Variants in RGSL1 observed in about 807,000 individuals in gnomAD.
The protein encoded by RGSL1 is regulator of G protein signaling like 1.
A neutral mutation model predicts 124.7 loss-of-function variants in RGSL1; 97 were observed. The observed-to-expected ratio is 0.78, with a 90% CI of 0.66 to 0.92. The LOEUF is 0.92. Ranked by LOEUF, RGSL1 falls within the 40% of genes least tolerant of loss-of-function variation. The probability of loss-of-function intolerance (pLI) is 0.00; values close to 1 mark genes in which losing one functional copy is unlikely to be tolerated. For synonymous variants in RGSL1, 424 were observed against 438.1 expected, an observed-to-expected ratio of 0.97 and a Z score of 0.40; for missense variants, 1,233 against 1,288.4, an observed-to-expected ratio of 0.96 and a Z score of 0.66.
At chr1:182,452,682 G>A (rs1651946748) in intron 1 of RGSL1, among the ~76,000 whole-genome samples, 1 of 152,066 alleles carries the variant, frequency 6.6e-6, no homozygotes, top group African/African-American at 2.4e-5. Context: ...TGAGCTCCTG[G>A]CCTCAAGCAA....
At chr1:182,509,450 C>T (rs1571606776) in intron 9 of RGSL1, among the ~76,000 whole-genome samples, 1 of 41,514 alleles carries the variant, frequency 2.4e-5, no homozygotes, top group Non-Finnish European at 5.6e-5. Context: ...GGCTGACCCC[C>T]CCACCTCCCT....
chr1:182,489,323 G>A (rs1238920446), intron 8 of RGSL1, 121 bp downstream of exon 8: 5 of 901,902 alleles, frequency 5.5e-6, no homozygotes, highest in Non-Finnish European at 6.6e-6. Context: ...TACCTAATTT[G>A]GTCATCAAAA....
At chr1:182,462,808 AT>A in intron 4 of RGSL1, among the ~76,000 whole-genome samples, 1 of 152,212 alleles carries the variant, frequency 6.6e-6, no homozygotes, top group East Asian at 1.9e-4. Context: ...ACAATGTTAA[AT>A]GTAATCTTCA....
chr1:182,514,582 T>G (rs1340516071), intron 9 of RGSL1, among the ~76,000 whole-genome samples: 4 of 152,172 alleles, frequency 2.6e-5, no homozygotes, highest in African/African-American at 9.6e-5. Context: ...GGAAACCTGC[T>G]AAGATACCCC....
intron 2 of RGSL1, among the ~76,000 whole-genome samples, chr1:182,458,056 C>A (rs191026812): frequency 1.3e-5 from 2 of 152,194 alleles, no homozygotes; most frequent in Non-Finnish European, 2.9e-5. Flanking sequence ...GCTCTCAGGT[C>A]GGCTCAGGCT....
chr1:182,499,102 C>A (rs1656162071), intron 9 of RGSL1, among the ~76,000 whole-genome samples: 1 of 152,062 alleles, frequency 6.6e-6, no homozygotes, highest in Non-Finnish European at 1.5e-5. Flanking sequence ...TCTTATGTGG[C>A]CAATTTTAGA....
intron 9 of RGSL1, among the ~76,000 whole-genome samples, chr1:182,518,282 G>C (rs572762137): frequency 6.6e-6 from 1 of 152,100 alleles, no homozygotes; most frequent in Non-Finnish European, 1.5e-5. Context: ...TTCAGCTCTA[G>C]GAGGTACCTA....
At chr1:182,505,608 A>G (rs1656754823) in intron 9 of RGSL1, among the ~76,000 whole-genome samples, 1 of 152,090 alleles carries the variant, frequency 6.6e-6, no homozygotes, top group Non-Finnish European at 1.5e-5. Flanking sequence ...TTCCTACTAT[A>G]TCTTTTAATC....
intron 4 of RGSL1, among the ~76,000 whole-genome samples, chr1:182,470,765 A>C (rs926379593): frequency 3.9e-5 from 6 of 152,168 alleles, no homozygotes; most frequent in Non-Finnish European, 7.4e-5. Flanking sequence ...GATACTTGGT[A>C]GGCATTTAAT....
intron 9 of RGSL1, among the ~76,000 whole-genome samples, chr1:182,517,657 TTGAGAGCCTCTAATGA>T (rs1414319784): frequency 1.2e-4 from 18 of 152,296 alleles, no homozygotes; most frequent in African/African-American, 4.3e-4. Context: ...CATTTTGCTG[TTGAGAGCCTCTAATGA>T]ATTTTTAAGT....
intron 9 of RGSL1, among the ~76,000 whole-genome samples, chr1:182,503,974 CTTTTTTTTTT>C (rs71124902): frequency 1.7e-5 from 2 of 118,240 alleles, no homozygotes; most frequent in African/African-American, 6.5e-5. Flanking sequence ...TTTGTAATTT[CTTTTTTTTTT>C]TTTTTTTTTT....
At chr1:182,499,500 C>T (rs1027360572) in intron 9 of RGSL1, among the ~76,000 whole-genome samples, 2 of 152,054 alleles carry the variant, frequency 1.3e-5, no homozygotes, top group African/African-American at 2.4e-5. Flanking sequence ...CAACCTCTGC[C>T]TTTTTTGTTT....
intron 9 of RGSL1, among the ~76,000 whole-genome samples, chr1:182,509,625 GC>G (rs1285637996): frequency 7.7e-6 from 1 of 129,524 alleles, no homozygotes; most frequent in Admixed American, 7.2e-5. Context: ...CTGGGCAGAG[GC>G]GCCCCTCACC....
At chr1:182,548,212 C>A (rs1382246606) in intron 15 of RGSL1, 105 bp from the exon 16 acceptor site, 6 of 1,196,838 alleles carry the variant, frequency 5.0e-6, no homozygotes, top group Non-Finnish European at 7.2e-6. Flanking sequence ...TGGCCTAGAA[C>A]TGGCCTTGCG....
chr1:182,527,360 T>G (rs1658824265), intron 10 of RGSL1, among the ~76,000 whole-genome samples: 1 of 152,020 alleles, frequency 6.6e-6, no homozygotes. Context: ...TCATCTTCCA[T>G]TAGGAAGGAA....
chr1:182,472,586 G>A, intron 5 of RGSL1, 29 bp downstream of exon 5: 10 of 1,481,216 alleles, frequency 6.8e-6, no homozygotes, highest in Admixed American at 4.5e-5. Context: ...CTTTTTGGGG[G>A]GATGCAACAA....
chr1:182,521,924 T>G, intron 9 of RGSL1, 80 bp from the exon 10 acceptor site: 1 of 941,208 alleles, frequency 1.1e-6, no homozygotes, highest in Non-Finnish European at 1.6e-6. Context: ...GAACTTTATG[T>G]CTGAAAAATA....
At chr1:182,525,143 C>T (rs796284014) in intron 10 of RGSL1, among the ~76,000 whole-genome samples, 24 of 152,218 alleles carry the variant, frequency 1.6e-4, no homozygotes, top group African/African-American at 5.1e-4. Flanking sequence ...CAGCAGCAAC[C>T]TTTGGTGGAT....
intron 9 of RGSL1, among the ~76,000 whole-genome samples, chr1:182,512,645 AG>A (rs1657548263): frequency 6.6e-6 from 1 of 152,188 alleles, no homozygotes; most frequent in Non-Finnish European, 1.5e-5. Context: ...AGACAGCATA[AG>A]TGTTAACCAG....
Sources: allele counts gnomAD v4.1 joint callset (sites outside exome capture counted in the v4.1 genomes callset), GRCh38; gene constraint gnomAD v4.1.1; transcripts MANE v1.5; gene names NCBI Gene and HGNC (gene_info 2026-07-23, HGNC 2026-07-21).